The following ESRRG variants were observed in gnomAD, a reference collection of about 807,000 sequenced individuals.
ESRRG encodes the protein estrogen related receptor gamma, also known as estrogen-related receptor gamma.
In ESRRG, 13 loss-of-function variants were observed where a neutral mutation model predicts 44.0. That is an observed-to-expected ratio of 0.30 (90% CI 0.19 to 0.47). ESRRG has a LOEUF of 0.47. Among genes scored for constraint, ESRRG ranks in the 20% least tolerant of loss-of-function variants. ESRRG has a pLI of 1.00. For synonymous variants in ESRRG, 215 were observed against 214.6 expected (o/e 1.00, Z -0.02); for missense variants, 395 against 580.6 (o/e 0.68, Z 3.29).
intron 1 of ESRRG, among the ~76,000 whole-genome samples, chr1:217,048,309 C>A (rs2085269213): frequency 1.3e-5 from 2 of 152,050 alleles, no homozygotes; most frequent in Admixed American, 1.3e-4. Context: ...CTGTTGGATT[C>A]CAGATGGAAC....
chr1:216,629,755 G>A (rs1192584042), intron 3 of ESRRG, among the ~76,000 whole-genome samples: 1 of 152,218 alleles, frequency 6.6e-6, no homozygotes, highest in Non-Finnish European at 1.5e-5. Flanking sequence ...CTTGCTTTAT[G>A]TGAAGGTTAG....
intron 2 of ESRRG, among the ~76,000 whole-genome samples, chr1:216,672,788 G>C (rs2075427215): frequency 6.6e-6 from 1 of 152,082 alleles, no homozygotes; most frequent in Non-Finnish European, 1.5e-5. Flanking sequence ...GATCACTTGA[G>C]CCCAGGAGGT....
rs1158999347 is a variant in ESRRG, at chr1:217,131,649, GT to G, written c.-230+6017del. Among the ~76,000 whole-genome samples the G allele has an allele frequency of 6.6e-5, 10 of 152,316 alleles. No individual in the cohort carries two copies. The East Asian group carries it at 1.7e-3, about 26-fold the overall frequency. On this transcript the variant is annotated intron_variant, in intron 1 of 8. Coordinates refer to the ESRRG transcript ENST00000366940. ...TTGGAGGGCGCAGAAGACTTTGGAG[GT>G]TGTATACGTATTCAGTGGTCAACTT... is the stretch of plus-strand genomic sequence containing the variant.
rs143741063 is a variant in ESRRG at position 216,751,063 on chromosome 1, T to G, written c.-13-73572A>C. Among the ~76,000 whole-genome samples, 115 of 152,306 alleles carry G rather than the reference T, an allele frequency of 7.6e-4. 1 individual carries two copies. Among genetic ancestry groups the G allele is most frequent in the African/African-American group, 2.7e-3 (111 of 41,578 alleles). On this transcript the variant is annotated intron_variant, in intron 2 of 7. Transcript: ENST00000359162. ...GCTTACCCATCTTTCTCATTGCTATTCAAAGAAACAGATTTATTTCTCACC... is the reference window on the plus strand; with the variant it reads ...GCTTACCCATCTTTCTCATTGCTATGCAAAGAAACAGATTTATTTCTCACC...
intron 2 of ESRRG, among the ~76,000 whole-genome samples, chr1:216,765,972 A>G (rs2093053938): frequency 6.6e-6 from 1 of 152,138 alleles, no homozygotes; most frequent in African/African-American, 2.4e-5. Context: ...TTTTTGTATC[A>G]GTAGCAATAG....
chr1:216,551,855 A>G (rs1572820644), intron 5 of ESRRG, among the ~76,000 whole-genome samples: 1 of 152,104 alleles, frequency 6.6e-6, no homozygotes, highest in East Asian at 1.9e-4. Flanking sequence ...TGTTGTCTTT[A>G]CTATTTAGCT....
chr1:216,509,448 A>G (rs2042099963), intron 6 of ESRRG, among the ~76,000 whole-genome samples: 1 of 152,198 alleles, frequency 6.6e-6, no homozygotes, highest in Non-Finnish European at 1.5e-5. Flanking sequence ...AGAACAATAC[A>G]GGATAAATTT....
chr1:217,103,979 C>A (rs952144323), intron 1 of ESRRG, among the ~76,000 whole-genome samples: 5 of 152,128 alleles, frequency 3.3e-5, no homozygotes, highest in African/African-American at 1.2e-4. Context: ...ATGGCAGGAT[C>A]AACCTCACTT....
At chr1:216,945,897 T>C (rs2065980955) in intron 1 of ESRRG, among the ~76,000 whole-genome samples, 1 of 152,184 alleles carries the variant, frequency 6.6e-6, no homozygotes, top group Admixed American at 6.5e-5. Flanking sequence ...GCCTCAGTTC[T>C]GTTTTTTTGG....
chr1:216,545,832 T>C (rs1450754387), intron 5 of ESRRG, among the ~76,000 whole-genome samples: 1 of 152,014 alleles, frequency 6.6e-6, no homozygotes, highest in Non-Finnish European at 1.5e-5. Flanking sequence ...CTGTTTTATT[T>C]TTAAATACCA....
chr1:216,578,334 T>C (rs2062069278), intron 3 of ESRRG, among the ~76,000 whole-genome samples: 1 of 152,052 alleles, frequency 6.6e-6, no homozygotes, highest in Admixed American at 6.6e-5. Context: ...AGCACCCCCA[T>C]AGGAATGCTC....
intron 2 of ESRRG, among the ~76,000 whole-genome samples, chr1:216,872,591 C>A (rs2096273661): frequency 6.6e-6 from 1 of 152,084 alleles, no homozygotes; most frequent in Admixed American, 6.5e-5. Flanking sequence ...TCCTATTGAG[C>A]AGACCCAATA....
chr1:216,869,822 A>T (rs939616955), intron 2 of ESRRG, among the ~76,000 whole-genome samples: 2 of 152,044 alleles, frequency 1.3e-5, no homozygotes, highest in African/African-American at 2.4e-5. Flanking sequence ...TAATTTTTTT[A>T]AATTTTTTAA....
chr1:216,611,458 A>G (rs2060655802), intron 3 of ESRRG, among the ~76,000 whole-genome samples: 1 of 152,178 alleles, frequency 6.6e-6, no homozygotes, highest in Admixed American at 6.5e-5. Flanking sequence ...ACTTAATGTA[A>G]CACACATATA....
At chr1:216,854,488 C>T (rs1324772291) in intron 2 of ESRRG, among the ~76,000 whole-genome samples, 1 of 151,186 alleles carries the variant, frequency 6.6e-6, no homozygotes, top group Non-Finnish European at 1.5e-5. Flanking sequence ...AAGCATCTAA[C>T]GAATACCAGG....
rs909688308 is a variant in ESRRG, at chr1:216,933,599, A to G, written c.-14+5983T>C. Among the ~76,000 whole-genome samples, 17 of 152,226 alleles carry G rather than the reference A, an allele frequency of 1.1e-4. 1 individual carries two copies. The highest frequency in any genetic ancestry group is 2.9e-5 in the Non-Finnish European group (2 of 68,034). Reference sequence around the variant, plus strand: ...TCCAGACTTTCCGTACCTCAAGAACATGGATAAGACCAAAATGTGGTGAAG... The same window carrying G: ...TCCAGACTTTCCGTACCTCAAGAACGTGGATAAGACCAAAATGTGGTGAAG... On this transcript the variant is annotated intron_variant, in intron 2 of 7. Coordinates refer to the ESRRG transcript ENST00000359162.
intron 1 of ESRRG, among the ~76,000 whole-genome samples, chr1:216,708,056 C>T (rs2082787795): frequency 6.6e-6 from 1 of 152,034 alleles, no homozygotes; most frequent in African/African-American, 2.4e-5. Flanking sequence ...AAGATAGCAA[C>T]TGTGGAATGG....
intron 1 of ESRRG, among the ~76,000 whole-genome samples, chr1:217,131,340 AAAAC>A (rs2092962627): frequency 6.6e-6 from 1 of 152,346 alleles, no homozygotes; most frequent in Admixed American, 6.5e-5. Flanking sequence ...AAGAAAAAAA[AAAAC>A]AGTGAGCAAG....
chr1:216,881,493 C>T (rs2096446769), intron 2 of ESRRG, among the ~76,000 whole-genome samples: 1 of 151,854 alleles, frequency 6.6e-6, no homozygotes, highest in African/African-American at 2.4e-5. Context: ...GGGGATGGAG[C>T]TAGGGGTTGG....
Sources: allele counts gnomAD v4.1 joint callset (sites outside exome capture counted in the v4.1 genomes callset), GRCh38; gene constraint gnomAD v4.1.1; transcripts MANE v1.5; gene names NCBI Gene and HGNC (gene_info 2026-07-23, HGNC 2026-07-21).